Variants in GNAL observed in about 807,000 individuals in gnomAD.
The protein encoded by GNAL is guanine nucleotide-binding protein G(olf) subunit alpha.
GNAL carries 18 observed loss-of-function variants against 55.1 expected under a neutral mutation model. That is an observed-to-expected ratio of 0.33 (90% CI 0.23 to 0.48). GNAL has a LOEUF of 0.48. Among genes scored for constraint, GNAL ranks in the 20% least tolerant of loss-of-function variants. The probability of loss-of-function intolerance (pLI) is 0.99; values close to 1 mark genes in which losing one functional copy is unlikely to be tolerated. For missense variants in GNAL, 412 were observed against 614.1 expected, an observed-to-expected ratio of 0.67 and a Z score of 3.48; for synonymous variants, 253 against 237.0, an observed-to-expected ratio of 1.07 and a Z score of -0.62.
At chr18:11,801,715 T>C (rs1458415023) in intron 4 of GNAL, among the ~76,000 whole-genome samples, 3 of 142,624 alleles carry the variant, frequency 2.1e-5, no homozygotes, top group Non-Finnish European at 4.5e-5. Flanking sequence ...AGTTTGAAAG[T>C]AGAGCCTTGC....
At chr18:11,797,791 T>C (rs907210069) in intron 4 of GNAL, among the ~76,000 whole-genome samples, 3 of 150,808 alleles carry the variant, frequency 2.0e-5, no homozygotes, top group Non-Finnish European at 4.4e-5. Flanking sequence ...AAGAAAGAAA[T>C]GAATCTGATA....
At chr18:11,779,240 C>T (rs552824525) in intron 4 of GNAL, among the ~76,000 whole-genome samples, 4 of 152,184 alleles carry the variant, frequency 2.6e-5, no homozygotes, top group Non-Finnish European at 5.9e-5. Flanking sequence ...GCAGCATTCT[C>T]GTATACCAAA....
intron 6 of GNAL, among the ~76,000 whole-genome samples, chr18:11,863,003 C>T (rs2036182913): frequency 6.6e-6 from 1 of 151,970 alleles, no homozygotes; most frequent in South Asian, 2.1e-4. Context: ...CTCAGCCTTC[C>T]AAGTAGCTGG....
At chr18:11,780,681 G>A (rs190289758) in intron 4 of GNAL, among the ~76,000 whole-genome samples, 132 of 152,224 alleles carry the variant, frequency 8.7e-4, no homozygotes, top group Admixed American at 1.6e-3. Context: ...TTTCACGTCT[G>A]TAAAATGATT....
intron 1 of GNAL, among the ~76,000 whole-genome samples, chr18:11,748,372 A>G (rs2143062021): frequency 6.6e-6 from 1 of 152,326 alleles, no homozygotes; most frequent in Non-Finnish European, 1.5e-5. Context: ...TGATGACAAT[A>G]GTTCCCACCT....
intron 1 of GNAL, among the ~76,000 whole-genome samples, chr18:11,691,770 A>G (rs1388966785): frequency 6.6e-6 from 1 of 152,120 alleles, no homozygotes; most frequent in Middle Eastern, 3.2e-3. Context: ...CTTGCATTTT[A>G]CTTTGGAAGC....
chr18:11,764,020 T>TTCTA (rs1265989786), intron 4 of GNAL, among the ~76,000 whole-genome samples: 1 of 152,246 alleles, frequency 6.6e-6, no homozygotes, highest in Non-Finnish European at 1.5e-5. Context: ...TGGGGTCTGC[T>TTCTA]TCTATATAGA....
chr18:11,808,076 G>T (rs2034712409), intron 4 of GNAL, among the ~76,000 whole-genome samples: 1 of 150,406 alleles, frequency 6.6e-6, no homozygotes, highest in Non-Finnish European at 1.5e-5. Flanking sequence ...ACCCTCACAG[G>T]TCTTCTTACC....
intron 1 of GNAL, among the ~76,000 whole-genome samples, chr18:11,697,153 G>A (rs1186983970): frequency 6.6e-6 from 1 of 152,262 alleles, no homozygotes; most frequent in Non-Finnish European, 1.5e-5. Flanking sequence ...CTCTGTGACT[G>A]AGCCAGGATC....
intron 1 of GNAL, among the ~76,000 whole-genome samples, chr18:11,700,808 A>G (rs1210659405): frequency 6.6e-6 from 1 of 152,210 alleles, no homozygotes; most frequent in African/African-American, 2.4e-5. Context: ...TGAAAAGTGA[A>G]TTTTCTTTCT....
At chr18:11,824,879 A>G (rs2035200044) in intron 4 of GNAL, 39 bp from the exon 5 acceptor site, 1 of 1,020,294 alleles carries the variant, frequency 9.8e-7, no homozygotes, top group Non-Finnish European at 1.5e-6. Context: ...AGGTTATTAC[A>G]CTTTTTTTTT....
chr18:11,845,003 C>T lies in GNAL; in HGVS notation c.723-17392C>T, dbSNP rs1598423363. 1.3e-5 allele frequency among the ~76,000 whole-genome samples: 2 copies of T among 152,130 alleles called. 1 individual carries two copies. The highest frequency in any genetic ancestry group is 4.2e-4 in the South Asian group (2 of 4,814). ...GCCTCAGCCTCCCAAGTAGCTGGGACTACAGGCATGTGCCACCACACCCGG... is the reference window on the plus strand; with the variant it reads ...GCCTCAGCCTCCCAAGTAGCTGGGATTACAGGCATGTGCCACCACACCCGG... On this transcript the variant is annotated intron_variant, in intron 5 of 11. Transcript: ENST00000334049.
chr18:11,695,275 C>G (rs1157475735), intron 1 of GNAL, among the ~76,000 whole-genome samples: 1 of 152,198 alleles, frequency 6.6e-6, no homozygotes, highest in African/African-American at 2.4e-5. Flanking sequence ...AAAATGTAAT[C>G]TACATGGCTA....
intron 5 of GNAL, among the ~76,000 whole-genome samples, chr18:11,855,984 A>G (rs895175232): frequency 6.6e-6 from 1 of 151,160 alleles, no homozygotes; most frequent in Non-Finnish European, 1.5e-5. Context: ...AAAAAAAAAA[A>G]GTGCTGAAAA....
At chr18:11,879,801 A>G (rs970753862) in intron 11 of GNAL, among the ~76,000 whole-genome samples, 1 of 152,198 alleles carries the variant, frequency 6.6e-6, no homozygotes, top group African/African-American at 2.4e-5. Flanking sequence ...CCTGTTTCTC[A>G]GGTACTTGAT....
At chr18:11,724,848 G>A (rs2032177562) in intron 1 of GNAL, among the ~76,000 whole-genome samples, 1 of 152,184 alleles carries the variant, frequency 6.6e-6, no homozygotes, top group Admixed American at 6.5e-5. Context: ...TTTCTTAAAA[G>A]GAAAGTCCTT....
At chr18:11,851,334 C>A in intron 5 of GNAL, 1 of 785,654 alleles carries the variant, frequency 1.3e-6, no homozygotes, top group South Asian at 2.2e-5. Flanking sequence ...CGGCGCCTTC[C>A]GTCCCGCAGG....
At position 11,782,436 on chromosome 18, in the gene GNAL, T is replaced by C. The variant is rs942026537; in HGVS notation, c.624+28491T>C. Among the ~76,000 whole-genome samples, 4 of 152,230 alleles carry C rather than the reference T, an allele frequency of 2.6e-5. No homozygotes were observed. In the East Asian group the frequency reaches 7.7e-4, roughly 29 times the overall value. Reference sequence around the variant, plus strand: ...TGTTAAAAGATTACATATAATCCTCTTTTGTTTGTAAGGTTCAAAAAACAA... The same window carrying C: ...TGTTAAAAGATTACATATAATCCTCCTTTGTTTGTAAGGTTCAAAAAACAA... On this transcript the variant is annotated intron_variant, in intron 4 of 11. Transcript: ENST00000334049.
At chr18:11,696,359 G>A (rs1346156423) in intron 1 of GNAL, among the ~76,000 whole-genome samples, 1 of 151,612 alleles carries the variant, frequency 6.6e-6, no homozygotes, top group Non-Finnish European at 1.5e-5. Flanking sequence ...AAAAAAATTA[G>A]CCAGGCATGG....
Sources: allele counts gnomAD v4.1 joint callset (sites outside exome capture counted in the v4.1 genomes callset), GRCh38; gene constraint gnomAD v4.1.1; transcripts MANE v1.5; gene names NCBI Gene and HGNC (gene_info 2026-07-23, HGNC 2026-07-21).